Variants in ENTPD1 observed in about 807,000 individuals in gnomAD.
ENTPD1 encodes the protein ectonucleoside triphosphate diphosphohydrolase 1, also known as ATP diphosphohydrolase.
In ENTPD1, 33 loss-of-function variants were observed where a neutral mutation model predicts 57.0. That is an observed-to-expected ratio of 0.58 (90% CI 0.44 to 0.77). The LOEUF is 0.77. Among genes scored for constraint, ENTPD1 ranks in the 30% least tolerant of loss-of-function variants. The pLI, the probability that ENTPD1 is intolerant of heterozygous loss-of-function variation, is 0.00. For synonymous variants in ENTPD1, 202 were observed against 218.8 expected (o/e 0.92, Z 0.68); for missense variants, 501 against 603.4 (o/e 0.83, Z 1.78).
chr10:95,835,569 A>G (rs947602167), intron 2 of ENTPD1, among the ~76,000 whole-genome samples: 5 of 152,200 alleles, frequency 3.3e-5, no homozygotes, highest in Non-Finnish European at 7.3e-5. Context: ...GTGTGTAAGC[A>G]TTCTCTTGTA....
At chr10:95,739,606 C>T (rs1215504117) in intron 1 of ENTPD1, among the ~76,000 whole-genome samples, 1 of 152,212 alleles carries the variant, frequency 6.6e-6, no homozygotes, top group African/African-American at 2.4e-5. Context: ...GCTATTTCCA[C>T]CACATCTGCA....
chr10:95,743,427 C>T (rs546343399), intron 1 of ENTPD1, among the ~76,000 whole-genome samples: 16 of 152,252 alleles, frequency 1.1e-4, no homozygotes, highest in African/African-American at 2.6e-4. Context: ...TTCTCTGCTG[C>T]ACTCTTTGGA....
chr10:95,812,974 A>T (rs893759321), intron 1 of ENTPD1, among the ~76,000 whole-genome samples: 1 of 152,248 alleles, frequency 6.6e-6, no homozygotes, highest in Admixed American at 6.5e-5. Flanking sequence ...AGGTGAGCTG[A>T]TCATTTTCTT....
chr10:95,735,025 AT>A (rs376795429), intron 1 of ENTPD1, among the ~76,000 whole-genome samples: 35,852 of 126,680 alleles, frequency 0.28, 5,407 homozygotes, highest in Admixed American at 0.38. Flanking sequence ...ATGAAAATAG[AT>A]TTTTTTTTTT....
chr10:95,849,143 T>C (rs768843316), intron 7 of ENTPD1, among the ~76,000 whole-genome samples: 46 of 152,224 alleles, frequency 3.0e-4, no homozygotes, highest in Non-Finnish European at 5.9e-4. Flanking sequence ...AAATTCCTTA[T>C]TTTCTTAATA....
In ENTPD1 at chr10:95,872,530, G is replaced by C. The variant is rs1344986085; in HGVS notation, c.*6147G>C. 5.1e-6 allele frequency: 5 copies of C among 984,992 alleles called. No individual in the cohort carries two copies. The highest frequency in any genetic ancestry group is 4.8e-6 in the Non-Finnish European group (4 of 829,656). 61.0% of individuals were successfully genotyped at this position (984,992 alleles called of 1,614,324 possible). On this transcript the variant is annotated 3_prime_UTR_variant, in exon 10 of 10. Coordinates refer to ENST00000371205, the MANE Select transcript of ENTPD1 (RefSeq NM_001776.6). ...AAGCCTTCTCCAAATTTCCAAGTCA[G>C]AATGTCTCTTCCTTGTGCTACCACA...
chr10:95,801,921 G>A (rs1275456556), intron 1 of ENTPD1, among the ~76,000 whole-genome samples: 1 of 152,194 alleles, frequency 6.6e-6, no homozygotes, highest in Non-Finnish European at 1.5e-5. Flanking sequence ...GCTTTGGGCG[G>A]TATGGCCATT....
chr10:95,724,188 C>G (rs2097981163), intron 1 of ENTPD1, among the ~76,000 whole-genome samples: 1 of 139,728 alleles, frequency 7.2e-6, no homozygotes, highest in Non-Finnish European at 1.5e-5. Flanking sequence ...AAAAAAAAAG[C>G]CCTTTCCCAG....
Position 95,711,880 on chromosome 10 carries a change from G to C in ENTPD1, c.-77G>C. On this transcript the variant is annotated 5_prime_UTR_variant, in exon 1 of 10. Transcript: ENST00000453258. ...TCAGTGAAACTTCAGAGGGCAAAGG[G>C]GAAGTTTTCCTTGGCCCCTCCAGTT... 1.9e-6 allele frequency: 3 copies of C among 1,604,598 alleles called. No individual in the cohort carries two copies. In the South Asian group the frequency reaches 3.3e-5, roughly 18 times the overall value.
At chr10:95,789,113 G>T (rs1202651025) in intron 1 of ENTPD1, among the ~76,000 whole-genome samples, 1 of 152,176 alleles carries the variant, frequency 6.6e-6, no homozygotes, top group Non-Finnish European at 1.5e-5. Context: ...CTTCTATTTT[G>T]CTTCCATCTA....
Position 95,873,495 on chromosome 10 carries a change from T to C in ENTPD1, c.*7112T>C. 1 of 985,502 alleles carries C rather than the reference T, an allele frequency of 1.0e-6. No homozygotes were observed. The highest frequency in any genetic ancestry group is 1.2e-6 in the Non-Finnish European group (1 of 829,984). The allele number at this position is 985,502 out of a possible 1,614,324, so 61.0% of individuals were successfully genotyped here. ...GCCCTGGTCTTCAGTGTATTAGATG[T>C]ATTACCTCCATGCTCTCAGTAGAGG... is the stretch of plus-strand genomic sequence containing the variant. On this transcript the variant is annotated 3_prime_UTR_variant, in exon 10 of 10. Transcript: ENST00000371205.
intron 1 of ENTPD1, among the ~76,000 whole-genome samples, chr10:95,745,218 C>G (rs1174685485): frequency 1.3e-5 from 2 of 152,098 alleles, no homozygotes; most frequent in Non-Finnish European, 2.9e-5. Flanking sequence ...AGGTCTTGCT[C>G]TCTTTCTCAG....
At position 95,870,545 on chromosome 10, in the gene ENTPD1, T is replaced by C; in HGVS notation, c.*4162T>C. The C allele has an allele frequency of 1.0e-6, 1 of 984,566 alleles. No individual in the cohort carries two copies. The highest frequency in any genetic ancestry group is 1.7e-5 in the African/African-American group (1 of 57,344). The allele number at this position is 984,566 out of a possible 1,614,324, so 61.0% of individuals were successfully genotyped here. A position where few individuals can be genotyped will look rare whatever the true frequency, so the allele number is the denominator to read the frequency against. ...CCTCCTGCCTTGGCCTCCCAAAGTG[T>C]TGAGATTACAGGCGTAAGCCACTGC... On this transcript the variant is annotated 3_prime_UTR_variant, in exon 10 of 10. Transcript: ENST00000371205.
At position 95,866,339 on chromosome 10, in the gene ENTPD1, C is replaced by T. The variant is rs1278462565; in HGVS notation, c.1489C>T (p.Leu497Phe). 1.2e-6 allele frequency: 2 copies of T among 1,614,068 alleles called. No individual in the cohort carries two copies. The highest frequency in any genetic ancestry group is 1.3e-5 in the African/African-American group (1 of 74,936). Reference protein sequence around the residue: ...VLFTVAIIGLLIFHKPSYFWK... With the variant: ...VLFTVAIIGLFIFHKPSYFWK... ...TTTCACAGTGGCCATCATAGGCTTG[C>T]TTATCTTTCACAAGCCTTCATATTT... The change falls in exon 10 of 10, where the codon CTT (leucine) becomes TTT (phenylalanine). Residue 497 changes from leucine (L) to phenylalanine (F), a missense_variant. By Grantham distance (22) the Leu-to-Phe change is conservative. Coordinates refer to ENST00000371205, the MANE Select transcript of ENTPD1 (RefSeq NM_001776.6).
chr10:95,830,479 T>G (rs943780655), intron 2 of ENTPD1, among the ~76,000 whole-genome samples: 39 of 152,230 alleles, frequency 2.6e-4, no homozygotes, highest in African/African-American at 8.9e-4. Context: ...TTAAATCATC[T>G]TTGGAGGTTA....
At chr10:95,704,027 A>G in the ENTPD1 span, among the ~76,000 whole-genome samples, 2 of 151,824 alleles carry the variant, frequency 1.3e-5, no homozygotes, top group African/African-American at 2.4e-5. Flanking sequence ...GGAGGCAGAG[A>G]TTGCAGTGAG....
At position 95,873,184 on chromosome 10, in the gene ENTPD1, A is replaced by T. The variant is rs1168724835; in HGVS notation, c.*6801A>T. ...ATCACACTTTGCGTATCAAAGGTCT[A>T]GATGACATTATCATTCCAAAGAGTT... On this transcript the variant is annotated 3_prime_UTR_variant, in exon 10 of 10. Coordinates refer to ENST00000371205, the MANE Select transcript of ENTPD1 (RefSeq NM_001776.6). The T allele has an allele frequency of 1.0e-6, 1 of 985,352 alleles. No individual in the cohort carries two copies. Among genetic ancestry groups the T allele is most frequent in the Non-Finnish European group, 1.2e-6 (1 of 829,940 alleles). The allele number at this position is 985,352 out of a possible 1,614,324, so 61.0% of individuals were successfully genotyped here.
At chr10:95,839,508 G>A (rs2098418197) in intron 2 of ENTPD1, 183 bp from the exon 3 acceptor site, 2 of 691,014 alleles carry the variant, frequency 2.9e-6, no homozygotes, top group Non-Finnish European at 2.6e-6. Flanking sequence ...GAAGAGCCCC[G>A]TTCTAGCAGG....
At chr10:95,708,218 AT>A (rs35550452), upstream of ENTPD1, among the ~76,000 whole-genome samples, 124,249 of 147,880 alleles carry the variant, frequency 0.84, 52,543 homozygotes, top group Non-Finnish European at 0.91. Context: ...TTTTTATTTT[AT>A]TTTTTTTTTT....
Sources: allele counts gnomAD v4.1 joint callset (sites outside exome capture counted in the v4.1 genomes callset), GRCh38; gene constraint gnomAD v4.1.1; transcripts MANE v1.5; gene names NCBI Gene and HGNC (gene_info 2026-07-23, HGNC 2026-07-21).